The following LRRC8B variants were observed in gnomAD, a reference collection of about 807,000 sequenced individuals.
LRRC8B encodes leucine rich repeat containing 8 VRAC subunit B, also known as volume-regulated anion channel subunit LRRC8B.
A neutral mutation model predicts 58.8 loss-of-function variants in LRRC8B; 23 were observed. That is an observed-to-expected ratio of 0.39 (90% confidence interval 0.28 to 0.55). LRRC8B has a LOEUF of 0.55. LRRC8B is among the 20% of genes least tolerant of loss of function. LRRC8B has a pLI of 0.62. For missense variants in LRRC8B, 694 were observed against 936.0 expected (o/e 0.74, Z 3.37); for synonymous variants, 359 against 374.1 (o/e 0.96, Z 0.47).
In LRRC8B at chr1:89,554,411, T is replaced by C. The variant is rs556993986; in HGVS notation, c.-240-13836T>C. Among the ~76,000 whole-genome samples, 3 of 152,364 alleles carry C rather than the reference T, an allele frequency of 2.0e-5. No homozygotes were observed. In the South Asian group the frequency reaches 6.2e-4, roughly 32 times the overall value. On this transcript the variant is annotated intron_variant, in intron 1 of 5. Coordinates refer to ENST00000330947, the MANE Select transcript of LRRC8B (RefSeq NM_001369817.2). ...ATTGTTCTTCTAGCATGTATTACTT[T>C]AAGATGTAACTGTATAATTCATTTG... is the stretch of plus-strand genomic sequence containing the variant.
intron 1 of LRRC8B, among the ~76,000 whole-genome samples, chr1:89,536,581 C>T (rs1264750100): frequency 1.3e-5 from 2 of 152,166 alleles, no homozygotes; most frequent in African/African-American, 4.8e-5. Context: ...AGAAAAAACC[C>T]TTTTTGCATG....
chr1:89,582,387 T>C (rs565322591), intron 4 of LRRC8B, among the ~76,000 whole-genome samples: 79 of 152,328 alleles, frequency 5.2e-4, no homozygotes, highest in African/African-American at 1.9e-3. Context: ...CCTAAATTTC[T>C]TTCTAGTCAG....
intron 1 of LRRC8B, among the ~76,000 whole-genome samples, chr1:89,532,386 T>C (rs765273131): frequency 3.3e-5 from 5 of 152,204 alleles, no homozygotes; most frequent in Non-Finnish European, 7.3e-5. Context: ...TAATATTACC[T>C]CATTGATATA....
intron 1 of LRRC8B, among the ~76,000 whole-genome samples, chr1:89,549,638 G>A (rs746344473): frequency 1.3e-4 from 20 of 152,016 alleles, no homozygotes; most frequent in Non-Finnish European, 2.9e-4. Context: ...ATGTGGATGC[G>A]GATTTGCATA....
chr1:89,596,900 T>C lies in LRRC8B; in HGVS notation c.*3857T>C, dbSNP rs901143104. On this transcript the variant is annotated 3_prime_UTR_variant, in exon 6 of 6. Transcript: ENST00000330947. ...CAGGACAATGTAACTGTAGATCTGC[T>C]TTGTTTTCAGTAACTGTACATTGCA... is the stretch of plus-strand genomic sequence containing the variant. The C allele has an allele frequency of 6.6e-6, 1 of 152,210 alleles. No homozygotes were observed. The highest frequency in any genetic ancestry group is 2.4e-5 in the African/African-American group (1 of 41,456). 9.4% of individuals were successfully genotyped at this position (152,210 alleles called of 1,614,324 possible). A position where few individuals can be genotyped will look rare whatever the true frequency, so the allele number is the denominator to read the frequency against.
At chr1:89,570,917 T>G (rs1653426411) in intron 3 of LRRC8B, among the ~76,000 whole-genome samples, 1 of 152,216 alleles carries the variant, frequency 6.6e-6, no homozygotes, top group Non-Finnish European at 1.5e-5. Flanking sequence ...GGGTCCAGTT[T>G]TAATCTTCTG....
At chr1:89,558,075 A>G (rs116252218) in intron 1 of LRRC8B, among the ~76,000 whole-genome samples, 2,609 of 152,262 alleles carry the variant, frequency 0.017, 83 homozygotes, top group African/African-American at 0.058. Context: ...TTCCAAACTG[A>G]TTGGAATCCA....
At chr1:89,542,401 T>A (rs1651067898) in intron 1 of LRRC8B, among the ~76,000 whole-genome samples, 1 of 152,224 alleles carries the variant, frequency 6.6e-6, no homozygotes, top group South Asian at 2.1e-4. Context: ...ATAAATTCCA[T>A]GAGGTAGAGA....
intron 1 of LRRC8B, among the ~76,000 whole-genome samples, chr1:89,553,931 C>G (rs968175208): frequency 6.6e-6 from 1 of 152,126 alleles, no homozygotes; most frequent in Non-Finnish European, 1.5e-5. Context: ...CTGTCATTCC[C>G]TTGCTCAGAT....
Position 89,583,196 on chromosome 1 carries a change from ACT to A in LRRC8B, c.550_551del (p.Ser184GlnfsTer14). On this transcript the variant is annotated frameshift_variant, in exon 5 of 6. Transcript: ENST00000330947. LOFTEE classifies it high-confidence loss of function. This position sits in a 1 kb window ranked among gnomAD's most constrained non-coding sequence, Gnocchi z 5.2. The part of the protein sequence containing the change: ...VAEQSVRPLK[L>X]SKSKILLSSS... Reference sequence around the variant, plus strand: ...CTGAGCAGTCAGTGAGGCCTCTGAAACTCTCCAAGTCCAAGATTTTGCTTTCG... The same window carrying A: ...CTGAGCAGTCAGTGAGGCCTCTGAAACTCCAAGTCCAAGATTTTGCTTTCG... The A allele has an allele frequency of 6.2e-7, 1 of 1,613,912 alleles. No individual in the cohort carries two copies. The highest frequency in any genetic ancestry group is 8.5e-7 in the Non-Finnish European group (1 of 1,180,000).
chr1:89,545,724 G>A (rs1046509136), intron 1 of LRRC8B, among the ~76,000 whole-genome samples: 2 of 152,176 alleles, frequency 1.3e-5, no homozygotes, highest in South Asian at 4.1e-4. Flanking sequence ...TTCAACTTAA[G>A]AGTTAAGAAC....
chr1:89,540,568 G>A (rs567800441), intron 1 of LRRC8B, among the ~76,000 whole-genome samples: 2 of 152,334 alleles, frequency 1.3e-5, no homozygotes, highest in South Asian at 2.1e-4. Context: ...GCATTGGAGT[G>A]GGAGTTGGAA....
intron 3 of LRRC8B, among the ~76,000 whole-genome samples, chr1:89,577,282 A>C (rs966587841): frequency 1.3e-5 from 2 of 152,192 alleles, no homozygotes; most frequent in Non-Finnish European, 2.9e-5. Flanking sequence ...AAGTAAAATA[A>C]GGACTACTGG....
intron 1 of LRRC8B, among the ~76,000 whole-genome samples, chr1:89,541,677 C>G (rs919520420): frequency 2.3e-5 from 3 of 133,272 alleles, no homozygotes; most frequent in African/African-American, 9.0e-5. Flanking sequence ...CGCCACTGCA[C>G]TCCAGCCTGG....
intron 1 of LRRC8B, among the ~76,000 whole-genome samples, chr1:89,528,845 G>A (rs542241310): frequency 1.2e-4 from 19 of 152,310 alleles, no homozygotes; most frequent in African/African-American, 4.3e-4. Context: ...GGAGGGGAAA[G>A]GCAAGAGCCC....
chr1:89,557,194 C>G (rs1557603693), intron 1 of LRRC8B, among the ~76,000 whole-genome samples: 1 of 151,972 alleles, frequency 6.6e-6, no homozygotes, highest in Non-Finnish European at 1.5e-5. Context: ...TCTTCTGAAC[C>G]CCTGGGCCTC....
intron 5 of LRRC8B, among the ~76,000 whole-genome samples, chr1:89,591,714 A>G (rs1052365798): frequency 1.8e-4 from 27 of 152,224 alleles, no homozygotes. Context: ...ATGGCCCTAG[A>G]AACTTGTCTC....
intron 1 of LRRC8B, among the ~76,000 whole-genome samples, chr1:89,554,193 G>A (rs1282006312): frequency 6.6e-6 from 1 of 152,002 alleles, no homozygotes; most frequent in Non-Finnish European, 1.5e-5. Flanking sequence ...CTCCATCTAT[G>A]CATCTGCTCA....
At chr1:89,561,737 A>G (rs1168399791) in intron 1 of LRRC8B, among the ~76,000 whole-genome samples, 1 of 136,954 alleles carries the variant, frequency 7.3e-6, no homozygotes, top group Non-Finnish European at 1.6e-5. Context: ...GTTCTGTTCC[A>G]TTGATCTATA....
Sources: gnomAD v4.1 joint callset for allele counts (sites outside exome capture counted in the v4.1 genomes callset) on GRCh38, gnomAD v4.1.1 for gene constraint, Gnocchi (gnomAD v3.1) non-coding constraint, MANE v1.5 for transcripts, NCBI Gene and HGNC (gene_info 2026-07-23, HGNC 2026-07-21) for gene names.